The following HRH1 variants were observed in gnomAD, a reference collection of about 807,000 sequenced individuals.
HRH1 encodes the protein histamine receptor H1.
In HRH1, 6 loss-of-function variants were observed where a neutral mutation model predicts 10.3. The ratio of observed to expected loss-of-function variants is 0.58; its 90% CI spans 0.32 to 1.15. The LOEUF is 1.15. Among genes scored for constraint, HRH1 ranks in the 50% most tolerant of loss-of-function variants. The pLI is 0.05. For missense variants in HRH1, 514 were observed against 615.3 expected, an observed-to-expected ratio of 0.84 and a Z score of 1.74; for synonymous variants, 242 against 236.7, an observed-to-expected ratio of 1.02 and a Z score of -0.21.
intron 1 of HRH1, among the ~76,000 whole-genome samples, chr3:11,217,214 CAA>C (rs36051207): frequency 1.7e-4 from 24 of 137,236 alleles, no homozygotes; most frequent in South Asian, 2.4e-4. Context: ...CAAACAAAAC[CAA>C]AAAAAAAAAA....
chr3:11,260,072 G>A lies in HRH1; in HGVS notation c.1035G>A (p.Glu345=). 1 of 1,614,158 alleles carries A rather than the reference G, an allele frequency of 6.2e-7. No homozygotes were observed. Among genetic ancestry groups the A allele is most frequent in the South Asian group, 1.1e-5 (1 of 91,078 alleles). Residue 345 remains glutamate (E), a synonymous_variant, in exon 2 of 2, where the codon GAG becomes GAA. Coordinates refer to ENST00000431010, the MANE Select transcript of HRH1 (RefSeq NM_001098212.2). ...GCCTGAACACACATGGGGCCAGCGA[G>A]ATATCAGAGGATCAGATGTTAGGTG... is the stretch of plus-strand genomic sequence containing the variant. ...EQGLNTHGAS[E]ISEDQMLGDS...
At chr3:11,205,907 G>A (rs1287405234) in intron 1 of HRH1, among the ~76,000 whole-genome samples, 6 of 152,082 alleles carry the variant, frequency 3.9e-5, no homozygotes, top group East Asian at 2.0e-4. Context: ...TGATCCGCCC[G>A]CCGCGGCCTC....
At chr3:11,179,102 A>G (rs1017893801) in intron 1 of HRH1, among the ~76,000 whole-genome samples, 2 of 152,200 alleles carry the variant, frequency 1.3e-5, no homozygotes, top group African/African-American at 4.8e-5. Context: ...AGCCTGGCCA[A>G]CATGGCAAAA....
intron 1 of HRH1, among the ~76,000 whole-genome samples, chr3:11,139,136 C>T (rs958026393): frequency 1.2e-4 from 18 of 148,678 alleles, no homozygotes; most frequent in South Asian, 2.2e-4. Context: ...TACAGGCATG[C>T]GCCACCATGC....
At chr3:11,177,216 G>A (rs1374972201) in intron 1 of HRH1, among the ~76,000 whole-genome samples, 3 of 150,960 alleles carry the variant, frequency 2.0e-5, no homozygotes, top group Non-Finnish European at 4.4e-5. Context: ...GACCAGCCTG[G>A]ACGACAGAGT....
At chr3:11,188,100 TA>T (rs1245439454) in intron 1 of HRH1, among the ~76,000 whole-genome samples, 2 of 152,202 alleles carry the variant, frequency 1.3e-5, no homozygotes, top group African/African-American at 4.8e-5. Flanking sequence ...CATTAATAAG[TA>T]AATTAAAATT....
chr3:11,163,013 T>C (rs1174824980), intron 1 of HRH1, among the ~76,000 whole-genome samples: 33 of 152,170 alleles, frequency 2.2e-4, no homozygotes, highest in Non-Finnish European at 2.9e-5. Flanking sequence ...AGCTGGAGCA[T>C]GCTTAGGGGG....
intron 1 of HRH1, among the ~76,000 whole-genome samples, chr3:11,168,080 G>A (rs147531451): frequency 6.6e-6 from 1 of 152,282 alleles, no homozygotes; most frequent in African/African-American, 2.4e-5. Context: ...TACGTAGGGT[G>A]GGATGGGCAA....
intron 1 of HRH1, among the ~76,000 whole-genome samples, chr3:11,182,565 C>T (rs1937378306): frequency 6.6e-6 from 1 of 152,214 alleles, no homozygotes; most frequent in African/African-American, 2.4e-5. Flanking sequence ...ACTTCCTGCT[C>T]AGGCCTTCAG....
chr3:11,185,267 T>C (rs927319866), intron 1 of HRH1, among the ~76,000 whole-genome samples: 1 of 152,176 alleles, frequency 6.6e-6, no homozygotes, highest in Non-Finnish European at 1.5e-5. Flanking sequence ...ACCTGCACTT[T>C]CACTCATTGA....
intron 1 of HRH1, among the ~76,000 whole-genome samples, chr3:11,171,504 T>A (rs1412760139): frequency 1.3e-5 from 2 of 152,172 alleles, no homozygotes; most frequent in East Asian, 1.9e-4. Flanking sequence ...ACTCAGGAGC[T>A]TTTTTTAAGA....
At chr3:11,150,542 A>G (rs1936583892), upstream of HRH1, among the ~76,000 whole-genome samples, 1 of 152,372 alleles carries the variant, frequency 6.6e-6, no homozygotes, top group Non-Finnish European at 1.5e-5. Context: ...AGCCCAACGT[A>G]GTGACACTCA....
intron 1 of HRH1, among the ~76,000 whole-genome samples, chr3:11,194,751 G>C (rs1214770042): frequency 6.6e-6 from 1 of 152,150 alleles, no homozygotes; most frequent in African/African-American, 2.4e-5. Flanking sequence ...GAAGGCAGAG[G>C]TTGCAGTGAG....
intron 1 of HRH1, among the ~76,000 whole-genome samples, chr3:11,138,236 A>C (rs1158921247): frequency 4.2e-5 from 6 of 143,456 alleles, no homozygotes; most frequent in African/African-American, 1.6e-4. Context: ...GTTAGCCAGG[A>C]TGGTCTCGAT....
intron 1 of HRH1, among the ~76,000 whole-genome samples, chr3:11,159,256 A>G (rs1231104311): frequency 6.6e-6 from 1 of 152,142 alleles, no homozygotes. Context: ...TCAAAAAAAC[A>G]AAACAAAAAG....
chr3:11,236,696 C>T (rs1034861238), intron 1 of HRH1, among the ~76,000 whole-genome samples: 1 of 152,190 alleles, frequency 6.6e-6, no homozygotes, highest in African/African-American at 2.4e-5. Flanking sequence ...CTCATCTATG[C>T]CCCTATATAT....
intron 1 of HRH1, among the ~76,000 whole-genome samples, chr3:11,207,770 C>G (rs1257925581): frequency 1.3e-5 from 2 of 152,094 alleles, no homozygotes; most frequent in Non-Finnish European, 2.9e-5. Flanking sequence ...TACATAGTGA[C>G]CCCTCCATCA....
At chr3:11,201,695 C>T (rs1292133369) in intron 1 of HRH1, among the ~76,000 whole-genome samples, 1 of 152,228 alleles carries the variant, frequency 6.6e-6, no homozygotes, top group Non-Finnish European at 1.5e-5. Context: ...GTCACCAGGG[C>T]TGTTGCCACA....
intron 1 of HRH1, among the ~76,000 whole-genome samples, chr3:11,189,025 G>A (rs560698880): frequency 5.9e-5 from 9 of 152,272 alleles, no homozygotes; most frequent in East Asian, 1.9e-4. Flanking sequence ...TTGCTACAGC[G>A]TGTGCAGGAC....
Sources: gnomAD v4.1 joint callset for allele counts (sites outside exome capture counted in the v4.1 genomes callset) on GRCh38, gnomAD v4.1.1 for gene constraint, MANE v1.5 for transcripts, NCBI Gene and HGNC (gene_info 2026-07-23, HGNC 2026-07-21) for gene names.